PRKG1: variants seen among roughly 807,000 people sequenced by gnomAD.
PRKG1 encodes cGMP-dependent protein kinase 1.
In PRKG1, 35 loss-of-function variants were observed where a neutral mutation model predicts 88.1. That is an observed-to-expected ratio of 0.40 (90% CI 0.30 to 0.53). The LOEUF (loss-of-function observed/expected upper bound fraction) is 0.53, where lower values mean the gene tolerates loss of function less well. Among genes scored for constraint, PRKG1 ranks in the 20% least tolerant of loss-of-function variants. The pLI is 0.59. For missense variants in PRKG1, 540 were observed against 839.8 expected, an observed-to-expected ratio of 0.64 and a Z score of 4.41; for synonymous variants, 303 against 292.5, an observed-to-expected ratio of 1.04 and a Z score of -0.37.
chr10:51,072,227 A>C (rs1003066174), upstream of PRKG1, among the ~76,000 whole-genome samples: 2 of 147,648 alleles, frequency 1.4e-5, no homozygotes, highest in South Asian at 2.2e-4. Flanking sequence ...CAAAAAAAAA[A>C]CAAAGAGAAA....
At chr10:51,639,224 G>A (rs987986328) in intron 3 of PRKG1, among the ~76,000 whole-genome samples, 2 of 151,836 alleles carry the variant, frequency 1.3e-5, no homozygotes, top group Admixed American at 1.3e-4. Context: ...AACGAGGTGA[G>A]GAGATCGAGA....
At chr10:52,216,234 T>C (rs1164496068) in intron 9 of PRKG1, among the ~76,000 whole-genome samples, 3 of 152,208 alleles carry the variant, frequency 2.0e-5, no homozygotes, top group Non-Finnish European at 2.9e-5. Context: ...AAGCACAGCA[T>C]GGAAGCTTAA....
chr10:51,527,479 T>C (rs1460535436), intron 3 of PRKG1, among the ~76,000 whole-genome samples: 1 of 151,974 alleles, frequency 6.6e-6, no homozygotes, highest in East Asian at 1.9e-4. Context: ...GAAGCATATA[T>C]AGGAATGAAT....
At chr10:51,403,130 TAACTC>T (rs1029234806) in intron 2 of PRKG1, among the ~76,000 whole-genome samples, 3 of 152,198 alleles carry the variant, frequency 2.0e-5, no homozygotes, top group Admixed American at 6.5e-5. Flanking sequence ...TCCTGATTGA[TAACTC>T]AAGTAGAAAG....
At chr10:51,745,486 T>G (rs554174142) in intron 3 of PRKG1, among the ~76,000 whole-genome samples, 1 of 152,282 alleles carries the variant, frequency 6.6e-6, no homozygotes, top group East Asian at 1.9e-4. Flanking sequence ...CTTCATAGCA[T>G]ATTATATGCA....
intron 3 of PRKG1, among the ~76,000 whole-genome samples, chr10:51,553,836 A>G (rs1589073363): frequency 1.0e-5 from 1 of 100,498 alleles, no homozygotes; most frequent in African/African-American, 3.4e-5. Context: ...TATATAATAT[A>G]TGTATGTATT....
chr10:51,185,010 C>T (rs1335067210), intron 2 of PRKG1, among the ~76,000 whole-genome samples: 1 of 152,146 alleles, frequency 6.6e-6, no homozygotes, highest in African/African-American at 2.4e-5. Flanking sequence ...CTTTACAGGA[C>T]AGCCACTATC....
intron 1 of PRKG1, among the ~76,000 whole-genome samples, chr10:51,122,634 T>C (rs1845288357): frequency 6.6e-6 from 1 of 152,180 alleles, no homozygotes; most frequent in Non-Finnish European, 1.5e-5. Flanking sequence ...GACATATCCT[T>C]CTTGGTTTTC....
In PRKG1 at chr10:52,013,418, C is replaced by CAA. The variant is rs200943011; in HGVS notation, c.763-41053_763-41052dup. Among the ~76,000 whole-genome samples the CAA allele has an allele frequency of 2.0e-3, 223 of 109,750 alleles. 2 individuals carry two copies. The highest frequency in any genetic ancestry group is 5.8e-3 in the Middle Eastern group (1 of 172). The allele number at this position is 109,750 out of a possible 152,430, so 72.0% of individuals were successfully genotyped here. On this transcript the variant is annotated intron_variant, in intron 5 of 17. Transcript: ENST00000373980. ...TGGGTGACAGAGCGAGACTCCGTCTCAAAAAAAAAAAAAAGAAAGATGGTT... is the reference window on the plus strand; with the variant it reads ...TGGGTGACAGAGCGAGACTCCGTCTCAAAAAAAAAAAAAAAAGAAAGATGGTT...
intron 5 of PRKG1, among the ~76,000 whole-genome samples, chr10:52,027,227 C>T (rs990204899): frequency 6.6e-6 from 1 of 152,080 alleles, no homozygotes; most frequent in Admixed American, 6.5e-5. Flanking sequence ...TGGGTGCAAG[C>T]CTGATGGATA....
intron 4 of PRKG1, among the ~76,000 whole-genome samples, chr10:51,812,913 G>C (rs947650543): frequency 6.6e-6 from 1 of 152,056 alleles, no homozygotes; most frequent in Non-Finnish European, 1.5e-5. Context: ...GCTGTCAACT[G>C]GTCGTTGTCA....
rs1837330038 is a variant in PRKG1 at position 52,133,823 on chromosome 10, C to T, written c.936-17C>T. On this transcript the variant is annotated splice_polypyrimidine_tract_variant and intron_variant, in intron 7 of 17. Transcript: ENST00000373980. Reference sequence around the variant, plus strand: ...ATTAAAGGTTATTTTATTTGAATGTCTCTATTTTTCACATAGGGAAGATGT... The same window carrying T: ...ATTAAAGGTTATTTTATTTGAATGTTTCTATTTTTCACATAGGGAAGATGT... The T allele has an allele frequency of 1.0e-5, 16 of 1,607,350 alleles. No individual in the cohort carries two copies. Among genetic ancestry groups the T allele is most frequent in the Non-Finnish European group, 9.4e-6 (11 of 1,174,846 alleles).
At chr10:51,690,896 C>T (rs1431930326) in intron 3 of PRKG1, among the ~76,000 whole-genome samples, 2 of 144,460 alleles carry the variant, frequency 1.4e-5, no homozygotes, top group African/African-American at 5.2e-5. Context: ...ACTACACCCC[C>T]CAGCCTGGCG....
chr10:51,955,916 C>T (rs1413211768), intron 5 of PRKG1, among the ~76,000 whole-genome samples: 1 of 152,098 alleles, frequency 6.6e-6, no homozygotes, highest in Non-Finnish European at 1.5e-5. Flanking sequence ...CCATTCTTCT[C>T]TTTTCACATG....
At position 52,189,376 on chromosome 10, in the gene PRKG1, G is replaced by T. The variant is rs562244817; in HGVS notation, c.1076+27413G>T. On this transcript the variant is annotated intron_variant, in intron 9 of 17. Coordinates refer to ENST00000373980, the MANE Select transcript of PRKG1 (RefSeq NM_006258.4). ...GTTCCACTCATTCATCCCAGACCAG[G>T]GGTTCCCAATCACCAGGCCATGGAC... Among the ~76,000 whole-genome samples, 3 of 152,272 alleles carry T rather than the reference G, an allele frequency of 2.0e-5. No homozygotes were observed. In the South Asian group the frequency reaches 6.2e-4, roughly 32 times the overall value.
At chr10:51,920,411 A>G (rs562529322) in intron 5 of PRKG1, among the ~76,000 whole-genome samples, 59 of 152,296 alleles carry the variant, frequency 3.9e-4, no homozygotes, top group African/African-American at 1.3e-3. Flanking sequence ...AAGGCCTCTG[A>G]TAGCCATCTT....
intron 5 of PRKG1, among the ~76,000 whole-genome samples, chr10:52,024,323 T>TTTTC (rs1845272917): frequency 6.7e-6 from 1 of 149,538 alleles, no homozygotes; most frequent in African/African-American, 2.5e-5. Context: ...TTAACTTTTT[T>TTTTC]TTTTATTCTT....
chr10:51,068,451 C>T (rs1044119140), intron 1 of PRKG1: 3 of 151,998 alleles, frequency 2.0e-5, no homozygotes, highest in African/African-American at 7.2e-5. Context: ...ATTTCTATTT[C>T]ATTGTCCTTC....
chr10:51,817,333 GC>G (rs1839613721), intron 4 of PRKG1, among the ~76,000 whole-genome samples: 2 of 138,206 alleles, frequency 1.4e-5, no homozygotes, highest in African/African-American at 6.0e-5. Context: ...TTCTCCTAGT[GC>G]TATCCCTCCC....
Sources: gnomAD v4.1 joint callset for allele counts (sites outside exome capture counted in the v4.1 genomes callset) on GRCh38, gnomAD v4.1.1 for gene constraint, MANE v1.5 for transcripts, NCBI Gene and HGNC (gene_info 2026-07-23, HGNC 2026-07-21) for gene names.